Variants in CSMD2 observed in about 807,000 individuals in gnomAD.
The protein encoded by CSMD2 is CUB and Sushi multiple domains 2.
Under a neutral mutation model 398.5 loss-of-function variants are expected in CSMD2, and 130 were observed. The ratio of observed to expected loss-of-function variants is 0.33; its 90% confidence interval spans 0.28 to 0.38. The LOEUF is 0.38. Among genes scored for constraint, CSMD2 ranks in the 10% least tolerant of loss-of-function variants. The pLI is 1.00. For missense variants in CSMD2, 3,829 were observed against 4,764.9 expected, an observed-to-expected ratio of 0.80 and a Z score of 5.78; for synonymous variants, 1,828 against 1,908.5, an observed-to-expected ratio of 0.96 and a Z score of 1.10.
intron 37 of CSMD2, among the ~76,000 whole-genome samples, chr1:33,621,279 G>A (rs186165179): frequency 3.0e-4 from 46 of 152,236 alleles, no homozygotes; most frequent in African/African-American, 1.0e-3. Context: ...AACACAGGGC[G>A]GGGCACATTG....
chr1:33,914,394 GTGTGTGTGTGTGTGTGTT>G (rs1558095405), intron 5 of CSMD2, among the ~76,000 whole-genome samples: 2 of 146,122 alleles, frequency 1.4e-5, no homozygotes, highest in African/African-American at 4.9e-5. Flanking sequence ...CAGTGTGTGT[GTGTGTGTGTGTGTGTGTT>G]TGTGTGTATG....
intron 1 of CSMD2, among the ~76,000 whole-genome samples, chr1:34,099,710 G>A (rs1436530100): frequency 1.3e-5 from 2 of 152,234 alleles, no homozygotes; most frequent in Non-Finnish European, 2.9e-5. Flanking sequence ...ACTCAATGTG[G>A]TGAACAGCAC....
intron 10 of CSMD2, among the ~76,000 whole-genome samples, chr1:33,795,141 T>C (rs763303523): frequency 8.0e-4 from 122 of 152,134 alleles, no homozygotes; most frequent in Non-Finnish European, 1.6e-3. Flanking sequence ...AGGTGGGATG[T>C]GGACCTGTAG....
At chr1:34,085,982 T>C (rs1262977832) in intron 2 of CSMD2, among the ~76,000 whole-genome samples, 1 of 149,842 alleles carries the variant, frequency 6.7e-6, no homozygotes, top group Non-Finnish European at 1.5e-5. Context: ...AATTTCTTAA[T>C]TACTGTGGCT....
chr1:33,624,395 T>C lies in CSMD2; in HGVS notation c.5625+124A>G, dbSNP rs542841561. 4.2e-5 allele frequency: 52 copies of C among 1,251,142 alleles called. No homozygotes were observed. The highest frequency in any genetic ancestry group is 5.5e-5 in the Non-Finnish European group (49 of 895,100). The allele number at this position is 1,251,142 out of a possible 1,614,324, so 77.5% of individuals were successfully genotyped here. A position where few individuals can be genotyped will look rare whatever the true frequency, so the allele number is the denominator to read the frequency against. On this transcript the variant is annotated intron_variant, in intron 35 of 70. Coordinates refer to ENST00000373381, the MANE Select transcript of CSMD2 (RefSeq NM_001281956.2). This position sits in a 1 kb window ranked among gnomAD's most constrained non-coding sequence, Gnocchi z 4.7. ...CGCAGGGGCAGGTACAGGGCTGATATGTCTCTTCCTGGCTCACCCTGACTC... is the reference window on the plus strand; with the variant it reads ...CGCAGGGGCAGGTACAGGGCTGATACGTCTCTTCCTGGCTCACCCTGACTC...
chr1:34,123,525 G>T (rs199676088), intron 1 of CSMD2, among the ~76,000 whole-genome samples: 6 of 137,144 alleles, frequency 4.4e-5, no homozygotes, highest in Non-Finnish European at 7.9e-5. Flanking sequence ...AACTTAAAGG[G>T]GGGGGGTTGT....
chr1:33,805,371 A>G (rs1209689813), intron 10 of CSMD2, among the ~76,000 whole-genome samples: 2 of 152,236 alleles, frequency 1.3e-5, no homozygotes, highest in Admixed American at 1.3e-4. Context: ...AAATAATTTA[A>G]TTAAATGTGA....
chr1:33,605,565 C>G, intron 41 of CSMD2, 95 bp from the exon 42 acceptor site: 1 of 1,253,536 alleles, frequency 8.0e-7, no homozygotes, highest in Admixed American at 2.0e-5. Context: ...GATTTGGACT[C>G]AGATGGACCT....
chr1:33,842,314 G>C (rs1660935792), intron 6 of CSMD2, among the ~76,000 whole-genome samples: 1 of 152,106 alleles, frequency 6.6e-6, no homozygotes, highest in Non-Finnish European at 1.5e-5. Flanking sequence ...AATTCCCCAA[G>C]ATTCTTAACC....
At position 33,567,593 on chromosome 1, in the gene CSMD2, G is replaced by C; in HGVS notation, c.8380C>G (p.Pro2794Ala). The C allele has an allele frequency of 6.2e-7, 1 of 1,613,782 alleles. No homozygotes were observed. The highest frequency in any genetic ancestry group is 2.2e-5 in the East Asian group (1 of 44,854). ...TAGGGAGAGTGGATGACATACTTAC[G>C]CACACAGAAAGGGGTCTTGCCCGAC... Reference protein sequence around the residue: ...HWSGKTPFCVPITCGHPGNPV... With the variant: ...HWSGKTPFCVAITCGHPGNPV... Residue 2794 changes from proline to alanine, a missense_variant and splice_region_variant, in exon 53 of 71, where the codon CCA becomes GCA. This residue lies in a region of CSMD2 where 917 missense variants were observed against 1,199.5 expected (regional missense o/e 0.76). Coordinates refer to ENST00000373381, the MANE Select transcript of CSMD2 (RefSeq NM_001281956.2).
chr1:33,770,439 C>T (rs1651107566), intron 13 of CSMD2, among the ~76,000 whole-genome samples: 1 of 152,214 alleles, frequency 6.6e-6, no homozygotes, highest in African/African-American at 2.4e-5. Flanking sequence ...AGCTTACCTG[C>T]TGGGTACTCA....
At chr1:33,536,911 C>T (rs1655849572) in intron 62 of CSMD2, 111 bp downstream of exon 62, 3 of 1,043,372 alleles carry the variant, frequency 2.9e-6, no homozygotes, top group African/African-American at 1.6e-5. Context: ...GCTTTCCAAG[C>T]TCTTGTCCTC....
intron 19 of CSMD2, among the ~76,000 whole-genome samples, chr1:33,721,215 C>T (rs1048445922): frequency 4.6e-5 from 7 of 152,102 alleles, no homozygotes; most frequent in African/African-American, 1.7e-4. Flanking sequence ...GGGATGTTTT[C>T]ACATCTCTGT....
chr1:33,986,972 C>T (rs1032307242), intron 3 of CSMD2, among the ~76,000 whole-genome samples: 1 of 152,136 alleles, frequency 6.6e-6, no homozygotes, highest in Non-Finnish European at 1.5e-5. Context: ...GCTGCAGGGT[C>T]TGCTGGCTCC....
chr1:33,714,544 C>A, intron 21 of CSMD2, 43 bp downstream of exon 21: 1 of 1,598,538 alleles, frequency 6.3e-7, no homozygotes, highest in South Asian at 1.1e-5. Context: ...ATAATCTGTC[C>A]CACCCCATTA....
At chr1:34,016,325 C>T (rs1648108750) in intron 3 of CSMD2, among the ~76,000 whole-genome samples, 1 of 151,722 alleles carries the variant, frequency 6.6e-6, no homozygotes, top group Non-Finnish European at 1.5e-5. Flanking sequence ...CCCCAATAGG[C>T]CCTAGAGTGT....
intron 12 of CSMD2, among the ~76,000 whole-genome samples, chr1:33,787,442 C>T (rs1026963635): frequency 2.0e-5 from 3 of 152,166 alleles, no homozygotes; most frequent in Admixed American, 1.3e-4. Context: ...CCCTAGTAGC[C>T]ACCTAGTCAT....
chr1:33,586,036 C>T (rs1214263537), intron 46 of CSMD2, among the ~76,000 whole-genome samples: 1 of 152,216 alleles, frequency 6.6e-6, no homozygotes, highest in Admixed American at 6.5e-5. Flanking sequence ...GGGTGACTCG[C>T]TGAAGCGAAT....
intron 1 of CSMD2, among the ~76,000 whole-genome samples, chr1:34,092,047 T>C (rs1180990989): frequency 6.6e-6 from 1 of 152,090 alleles, no homozygotes; most frequent in Middle Eastern, 3.2e-3. Flanking sequence ...TGCAAAATAA[T>C]ATACAAAAAT....
Sources: gnomAD v4.1 joint callset for allele counts (sites outside exome capture counted in the v4.1 genomes callset) on GRCh38, gnomAD v4.1.1 for gene constraint, gnomAD v4.1.1 regional missense constraint, Gnocchi (gnomAD v3.1) non-coding constraint, MANE v1.5 for transcripts, NCBI Gene and HGNC (gene_info 2026-07-23, HGNC 2026-07-21) for gene names.